PTPRD: variants seen among roughly 807,000 people sequenced by gnomAD.
PTPRD encodes the protein receptor-type tyrosine-protein phosphatase delta.
Under a neutral mutation model 214.5 loss-of-function variants are expected in PTPRD, and 34 were observed. The observed-to-expected ratio is 0.16, with a 90% CI of 0.12 to 0.21. The LOEUF is 0.21. Among genes scored for constraint, PTPRD ranks in the 10% least tolerant of loss-of-function variants. The pLI, the probability that PTPRD is intolerant of heterozygous loss-of-function variation, is 1.00. For synonymous variants in PTPRD, 1,128 were observed against 845.7 expected (o/e 1.33, Z -5.79); for missense variants, 2,545 against 2,398.7 (o/e 1.06, Z -1.27).
At chr9:8,772,654 T>C (rs543043126) in intron 11 of PTPRD, among the ~76,000 whole-genome samples, 1 of 152,194 alleles carries the variant, frequency 6.6e-6, no homozygotes, top group Admixed American at 6.5e-5. Flanking sequence ...AAAAAAATAA[T>C]AAAAATAATT....
chr9:8,518,611 C>CA (rs1172224027), intron 20 of PTPRD, among the ~76,000 whole-genome samples, 182 bp from the exon 21 acceptor site: 1 of 152,146 alleles, frequency 6.6e-6, no homozygotes, highest in Middle Eastern at 3.2e-3. Flanking sequence ...TCATAGGTGA[C>CA]ACAAATCCTG....
chr9:9,819,130 T>C (rs1251902777), intron 5 of PTPRD, among the ~76,000 whole-genome samples: 1 of 152,014 alleles, frequency 6.6e-6, no homozygotes, highest in Non-Finnish European at 1.5e-5. Context: ...TGCTGGGGCT[T>C]TGGAAGGCTG....
chr9:8,829,735 G>A (rs181731308), intron 11 of PTPRD, among the ~76,000 whole-genome samples: 15 of 152,242 alleles, frequency 9.9e-5, no homozygotes, highest in Admixed American at 6.5e-4. Flanking sequence ...ACAGAACAAT[G>A]AAACAACCAT....
intron 11 of PTPRD, among the ~76,000 whole-genome samples, chr9:9,001,170 A>G (rs1199942986): frequency 6.6e-6 from 1 of 152,024 alleles, no homozygotes; most frequent in East Asian, 1.9e-4. Flanking sequence ...CATAATCAAC[A>G]GAAACGAATT....
intron 5 of PTPRD, among the ~76,000 whole-genome samples, chr9:9,784,535 G>A (rs2098901162): frequency 6.6e-6 from 1 of 151,842 alleles, no homozygotes; most frequent in African/African-American, 2.4e-5. Context: ...CAAAGCCATG[G>A]TAAACTTCCA....
At chr9:9,878,127 G>A (rs1455636431) in intron 5 of PTPRD, among the ~76,000 whole-genome samples, 1 of 152,036 alleles carries the variant, frequency 6.6e-6, no homozygotes, top group Non-Finnish European at 1.5e-5. Context: ...CTCTTCTCAG[G>A]ACATCCAGCT....
intron 35 of PTPRD, among the ~76,000 whole-genome samples, chr9:8,432,112 G>T (rs1466680138): frequency 1.3e-5 from 2 of 152,034 alleles, no homozygotes; most frequent in Admixed American, 6.6e-5. Flanking sequence ...GTTTGGCAAG[G>T]TCTACACAAA....
In PTPRD at chr9:9,869,096, A is replaced by G. The variant is rs955969975; in HGVS notation, c.-368+69411T>C. ...CTACTTACATAAAACCAAAACTATG[A>G]AAAATGTATGAAATTCACCATTGGA... On this transcript the variant is annotated intron_variant, in intron 5 of 45. Transcript: ENST00000381196. Among the ~76,000 whole-genome samples the G allele has an allele frequency of 2.6e-5, 4 of 152,168 alleles. No individual in the cohort carries two copies. In the East Asian group the frequency reaches 7.7e-4, roughly 29 times the overall value.
chr9:9,905,013 G>A (rs941812727), intron 5 of PTPRD, among the ~76,000 whole-genome samples: 2 of 151,954 alleles, frequency 1.3e-5, no homozygotes, highest in African/African-American at 4.8e-5. Flanking sequence ...ATGCAAATCA[G>A]TGAGGCATAT....
At chr9:9,758,853 G>C (rs1232211234) in intron 6 of PTPRD, among the ~76,000 whole-genome samples, 1 of 149,476 alleles carries the variant, frequency 6.7e-6, no homozygotes, top group Non-Finnish European at 1.5e-5. Flanking sequence ...ATATGAGGTT[G>C]AAGATTTAAA....
chr9:10,000,217 T>G (rs2096273898), intron 4 of PTPRD, among the ~76,000 whole-genome samples: 1 of 152,154 alleles, frequency 6.6e-6, no homozygotes, highest in African/African-American at 2.4e-5. Flanking sequence ...AAACATCTAG[T>G]GGAGGCAAAC....
At chr9:8,579,961 G>C (rs2092896016) in intron 14 of PTPRD, among the ~76,000 whole-genome samples, 1 of 152,156 alleles carries the variant, frequency 6.6e-6, no homozygotes, top group Non-Finnish European at 1.5e-5. Context: ...CAGGATAGTG[G>C]CATGATCAGA....
At chr9:9,312,892 G>A (rs147466231) in intron 9 of PTPRD, among the ~76,000 whole-genome samples, 6 of 152,246 alleles carry the variant, frequency 3.9e-5, no homozygotes, top group Admixed American at 1.3e-4. Context: ...CGTGTTAGTC[G>A]CAGGACATCC....
intron 9 of PTPRD, among the ~76,000 whole-genome samples, chr9:9,352,749 C>A (rs77957316): frequency 0.011 from 1,629 of 151,948 alleles, 33 homozygotes; most frequent in African/African-American, 0.037. Context: ...AGTCTCAGAA[C>A]TATCTTGACT....
chr9:10,583,832 G>T lies in PTPRD; in HGVS notation c.-600+28566C>A, dbSNP rs751084157. ...GATAGCTATGCTCTTTGAAAGGACA[G>T]CTGTGTTATTTCGAAGGGCAGCTGT... is the stretch of plus-strand genomic sequence containing the variant. On this transcript the variant is annotated intron_variant, in intron 2 of 45. Transcript: ENST00000381196. Among the ~76,000 whole-genome samples the T allele has an allele frequency of 2.0e-5, 3 of 152,250 alleles. No homozygotes were observed. In the East Asian group the frequency reaches 5.8e-4, roughly 29 times the overall value.
intron 11 of PTPRD, among the ~76,000 whole-genome samples, chr9:8,798,421 C>T (rs561714165): frequency 2.6e-5 from 4 of 152,194 alleles, no homozygotes; most frequent in African/African-American, 9.6e-5. Context: ...GAAAACCAAA[C>T]AATTCTGGGT....
intron 2 of PTPRD, among the ~76,000 whole-genome samples, chr9:10,342,631 ATTATT>A (rs1000700582): frequency 4.6e-5 from 7 of 152,080 alleles, no homozygotes; most frequent in African/African-American, 1.7e-4. Context: ...CTTAGAGTAT[ATTATT>A]TTATTGTTCT....
intron 39 of PTPRD, among the ~76,000 whole-genome samples, chr9:8,362,046 C>A (rs1391848954): frequency 6.6e-6 from 1 of 152,224 alleles, no homozygotes; most frequent in Non-Finnish European, 1.5e-5. Context: ...AAGAATTCAG[C>A]AAGAGGTATG....
intron 5 of PTPRD, among the ~76,000 whole-genome samples, chr9:9,804,552 A>T (rs2099061448): frequency 6.6e-6 from 1 of 151,936 alleles, no homozygotes; most frequent in Non-Finnish European, 1.5e-5. Context: ...TTTGAGGAAG[A>T]CTCTCAGATT....
Sources: gnomAD v4.1 joint callset for allele counts (sites outside exome capture counted in the v4.1 genomes callset) on GRCh38, gnomAD v4.1.1 for gene constraint, MANE v1.5 for transcripts, NCBI Gene and HGNC (gene_info 2026-07-23, HGNC 2026-07-21) for gene names.